SHISA7: variants seen among roughly 807,000 people sequenced by gnomAD.
SHISA7 encodes shisa family member 7.
SHISA7 carries 6 observed loss-of-function variants against 23.9 expected under a neutral mutation model. The ratio of observed to expected loss-of-function variants is 0.25; its 90% CI spans 0.14 to 0.50. SHISA7 has a LOEUF of 0.50. Among genes scored for constraint, SHISA7 ranks in the 20% least tolerant of loss-of-function variants. SHISA7 has a pLI of 0.98. For missense variants in SHISA7, 671 were observed against 801.1 expected, an observed-to-expected ratio of 0.84 and a Z score of 1.96; for synonymous variants, 386 against 398.3, an observed-to-expected ratio of 0.97 and a Z score of 0.37.
intron 2 of SHISA7, among the ~76,000 whole-genome samples, chr19:55,438,880 C>T (rs1409630788): frequency 1.3e-5 from 2 of 151,962 alleles, no homozygotes; most frequent in African/African-American, 4.8e-5. Flanking sequence ...ACCCCCCCCC[C>T]TGGTGCCCAG....
In SHISA7 at chr19:55,429,526, C is replaced by T. The variant is rs35179611; in HGVS notation, c.*3630G>A. 0.025 allele frequency: 3,869 copies of T among 152,222 alleles called. 78 individuals carry two copies. The highest frequency in any genetic ancestry group is 0.039 in the Non-Finnish European group (2,626 of 68,062). The allele number at this position is 152,222 out of a possible 1,614,324, so 9.4% of individuals were successfully genotyped here. On this transcript the variant is annotated 3_prime_UTR_variant, in exon 4 of 4. Transcript: ENST00000376325. ...CCTCAGTGTGGTGGGAACCAAGGGC[C>T]AGTTGTCTGCCCCAAGCTCCTGACA...
chr19:55,437,490 C>G, intron 3 of SHISA7, 115 bp downstream of exon 3: 1 of 1,314,004 alleles, frequency 7.6e-7, no homozygotes, highest in Non-Finnish European at 1.0e-6. Flanking sequence ...GGAGTAAAAC[C>G]TGGGAGAGAA....
At position 55,442,462 on chromosome 19, in the gene SHISA7, C is replaced by T. The variant is rs1207115618; in HGVS notation, c.402G>A (p.Pro134=). Residue 134 remains proline, a synonymous_variant, in exon 1 of 4, where the codon CCG becomes CCA. Transcript: ENST00000376325. The part of the protein sequence containing the change: ...AQASCSNYDT[P]RWATTPPPLA... ...GCGGCGGCGGCGTGGTGGCCCAGCG[C>T]GGCGTGTCGTAGTTGGAGCAGGAGG... 6.9e-7 allele frequency: 1 copy of T among 1,443,114 alleles called. No individual in the cohort carries two copies. The highest frequency in any genetic ancestry group is 9.1e-7 in the Non-Finnish European group (1 of 1,096,902). The allele number at this position is 1,443,114 out of a possible 1,614,324, so 89.4% of individuals were successfully genotyped here. A position where few individuals can be genotyped will look rare whatever the true frequency, so the allele number is the denominator to read the frequency against.
In SHISA7 at chr19:55,433,282, G is replaced by A. The variant is rs1568449750; in HGVS notation, c.1491C>T (p.Gly497=). Residue 497 remains glycine, a synonymous_variant, in exon 4 of 4, where the codon GGC becomes GGT. Coordinates refer to ENST00000376325, the MANE Select transcript of SHISA7 (RefSeq NM_001145176.2). This position sits in a 1 kb window ranked among gnomAD's most constrained non-coding sequence, Gnocchi z 8.4. ...QPAWMSDAGG[G]GGTLARRPPF... is the part of the protein sequence containing the mutation. ...GCGGCCTGCGGGCCAGTGTGCCCCC[G>A]CCCCCGCCGGCGTCGGACATCCAGG... 2.0e-6 allele frequency: 3 copies of A among 1,506,038 alleles called. No individual in the cohort carries two copies. The highest frequency in any genetic ancestry group is 2.1e-5 in the Admixed American group (1 of 48,288). 93.3% of individuals were successfully genotyped at this position (1,506,038 alleles called of 1,614,324 possible).
At position 55,433,816 on chromosome 19, in the gene SHISA7, A is replaced by T; in HGVS notation, c.977-20T>A. On this transcript the variant is annotated intron_variant, in intron 3 of 3. Transcript: ENST00000376325. The surrounding 1 kb of genome is among the most constrained non-coding windows in gnomAD (Gnocchi z 8.4). ...TCTCGGCTGCGGGGAGAGGGGGAAA[A>T]GCCACAGCCGTGGGTCCCCTGCGCA... 7.3e-7 allele frequency: 1 copy of T among 1,377,874 alleles called. No homozygotes were observed. Among genetic ancestry groups the T allele is most frequent in the South Asian group, 1.6e-5 (1 of 61,132 alleles). 85.4% of individuals were successfully genotyped at this position (1,377,874 alleles called of 1,614,324 possible).
chr19:55,440,537 A>C, intron 2 of SHISA7, 74 bp downstream of exon 2: 1 of 1,226,752 alleles, frequency 8.2e-7, no homozygotes, highest in Non-Finnish European at 1.0e-6. Context: ...TGGAGCCGCC[A>C]TGGAGGGCGG....
At chr19:55,435,740 G>A (rs1338371359) in intron 3 of SHISA7, among the ~76,000 whole-genome samples, 1 of 151,220 alleles carries the variant, frequency 6.6e-6, no homozygotes, top group South Asian at 2.1e-4. Context: ...CTCCAGCCTG[G>A]GCAAAAGAGT....
intron 2 of SHISA7, 147 bp downstream of exon 2, chr19:55,440,464 A>T: frequency 1.3e-6 from 1 of 740,838 alleles, no homozygotes; most frequent in Non-Finnish European, 1.9e-6. Context: ...CGCCTTTCGC[A>T]GGGCAGGACC....
At chr19:55,438,867 A>G (rs1985528981) in intron 2 of SHISA7, among the ~76,000 whole-genome samples, 1 of 63,046 alleles carries the variant, frequency 1.6e-5, no homozygotes, top group African/African-American at 7.5e-5. Context: ...CCAAGTTCTT[A>G]GCACCCCCCC....
chr19:55,434,887 ATG>A (rs1406553016), intron 3 of SHISA7, among the ~76,000 whole-genome samples: 3 of 51,018 alleles, frequency 5.9e-5, no homozygotes, highest in African/African-American at 2.4e-4. Context: ...GTGTGTGTAT[ATG>A]TGGTGTGTGT....
In SHISA7 at chr19:55,442,790, G is replaced by T; in HGVS notation, c.74C>A (p.Thr25Lys). 7.8e-7 allele frequency: 1 copy of T among 1,281,194 alleles called. No homozygotes were observed. Among genetic ancestry groups the T allele is most frequent in the Non-Finnish European group, 9.9e-7 (1 of 1,014,758 alleles). The allele number at this position is 1,281,194 out of a possible 1,614,324, so 79.4% of individuals were successfully genotyped here. A position where few individuals can be genotyped will look rare whatever the true frequency, so the allele number is the denominator to read the frequency against. ...GQARARPSNA[T>K]SAEPAGPLPA... ...CAGCGGGCCCGCGGGCTCGGCGCTC[G>T]TGGCGTTGGACGGGCGCGCCCTGGC... Residue 25 changes from threonine (T) to lysine (K), a missense_variant, in exon 1 of 4, where the codon ACG becomes AAG. Physicochemically the swap from Thr to Lys is moderately conservative, Grantham distance 78 (BLOSUM62 -1). Transcript: ENST00000376325.
At chr19:55,434,764 GGT>G (rs1221714445) in intron 3 of SHISA7, among the ~76,000 whole-genome samples, 8 of 111,524 alleles carry the variant, frequency 7.2e-5, no homozygotes, top group African/African-American at 1.4e-4. Flanking sequence ...TGGTGTGTGT[GGT>G]GTGTGGTGTG....
chr19:55,435,049 GTGGT>G (rs1463297692), intron 3 of SHISA7, among the ~76,000 whole-genome samples: 15 of 74,550 alleles, frequency 2.0e-4, no homozygotes, highest in South Asian at 1.1e-3. Context: ...TGGTGTGTGT[GTGGT>G]GTGTGTGTAG....
At position 55,431,489 on chromosome 19, in the gene SHISA7, A is replaced by T. The variant is rs528143748; in HGVS notation, c.*1667T>A. 6.6e-6 allele frequency: 1 copy of T among 152,054 alleles called. No homozygotes were observed. The highest frequency in any genetic ancestry group is 1.5e-5 in the Non-Finnish European group (1 of 67,998). 9.4% of individuals were successfully genotyped at this position (152,054 alleles called of 1,614,324 possible). On this transcript the variant is annotated 3_prime_UTR_variant, in exon 4 of 4. Transcript: ENST00000376325. Reference sequence around the variant, plus strand: ...GATGGTGACACCATTGGCTATGGGGAGTCTTGGCAGATGGTGACACCATTA... The same window carrying T: ...GATGGTGACACCATTGGCTATGGGGTGTCTTGGCAGATGGTGACACCATTA...
chr19:55,437,713 A>G lies in SHISA7; in HGVS notation c.868T>C (p.Ser290Pro). ...LPPPSPSLHY[S>P]TLSCSRSFHN... ...AAGGACCGAGAGCAGGACAGCGTGG[A>G]GTAGTGCAAGGAGGGGCTGGGCGGC... The change falls in exon 3 of 4, where the codon TCC (serine) becomes CCC (proline). Residue 290 changes from serine (S) to proline (P), a missense_variant. Physicochemically the swap from Ser to Pro is moderately conservative, Grantham distance 74. Coordinates refer to ENST00000376325, the MANE Select transcript of SHISA7 (RefSeq NM_001145176.2). 6.4e-7 allele frequency: 1 copy of G among 1,551,346 alleles called. No individual in the cohort carries two copies. Among genetic ancestry groups the G allele is most frequent in the Non-Finnish European group, 8.7e-7 (1 of 1,146,880 alleles).
chr19:55,431,022 G>A lies in SHISA7; in HGVS notation c.*2134C>T, dbSNP rs939142822. The A allele has an allele frequency of 2.0e-5, 3 of 151,266 alleles. No homozygotes were observed. Among genetic ancestry groups the A allele is most frequent in the African/African-American group, 4.9e-5 (2 of 41,070 alleles). The allele number at this position is 151,266 out of a possible 1,614,324, so 9.4% of individuals were successfully genotyped here. Reference sequence around the variant, plus strand: ...CAGCACTGGACCTCATGGATCACAGGAGATGATGACACCAGGGTTATGGTG... The same window carrying A: ...CAGCACTGGACCTCATGGATCACAGAAGATGATGACACCAGGGTTATGGTG... On this transcript the variant is annotated 3_prime_UTR_variant, in exon 4 of 4. Coordinates refer to ENST00000376325, the MANE Select transcript of SHISA7 (RefSeq NM_001145176.2).
Position 55,442,776 on chromosome 19 carries a change from C to A in SHISA7, c.88G>T (p.Ala30Ser). 1 of 1,225,470 alleles carries A rather than the reference C, an allele frequency of 8.2e-7. No homozygotes were observed. The allele number at this position is 1,225,470 out of a possible 1,614,324, so 75.9% of individuals were successfully genotyped here. The change falls in exon 1 of 4, where the codon GCG becomes TCG. Residue 30 changes from alanine (A) to serine (S), a missense_variant. By Grantham distance (99) the Ala-to-Ser change is moderately conservative. This residue lies in a region of SHISA7 where 96 missense variants were observed against 113.1 expected (regional missense o/e 0.85). Coordinates refer to ENST00000376325, the MANE Select transcript of SHISA7 (RefSeq NM_001145176.2). Reference sequence around the variant, plus strand: ...GCCAGCAGGGCGGGCAGCGGGCCCGCGGGCTCGGCGCTCGTGGCGTTGGAC... The same window carrying A: ...GCCAGCAGGGCGGGCAGCGGGCCCGAGGGCTCGGCGCTCGTGGCGTTGGAC... ...RPSNATSAEP[A>S]GPLPALLAHL...
At chr19:55,440,801 G>C in intron 1 of SHISA7, 36 bp from the exon 2 acceptor site, 1 of 1,236,340 alleles carries the variant, frequency 8.1e-7, no homozygotes, top group Non-Finnish European at 1.0e-6. Context: ...AGGCCTGGGG[G>C]CTGAGGGTGG....
Position 55,440,730 on chromosome 19 carries a change from G to A in SHISA7, c.707C>T (p.Pro236Leu). Reference protein sequence around the residue: ...LVDILRHQAGPGTRPDRARSS... With the variant: ...LVDILRHQAGLGTRPDRARSS... ...TCGGGCCCGGTCCGGGCGGGTCCCAGGCCCCGCCTGATGTCTCAGAATGTC... is the reference window on the plus strand; with the variant it reads ...TCGGGCCCGGTCCGGGCGGGTCCCAAGCCCCGCCTGATGTCTCAGAATGTC... The change falls in exon 2 of 4, where the codon CCT becomes CTT. Residue 236 changes from proline (P) to leucine (L), a missense_variant. Pro to Leu is a moderately conservative substitution (Grantham distance 98). Around this residue, in one of 5 missense-constraint regions of SHISA7, gnomAD observed 457 missense variants for 488.3 expected, o/e 0.94. Transcript: ENST00000376325. 8.0e-7 allele frequency: 1 copy of A among 1,247,020 alleles called. No individual in the cohort carries two copies. Among genetic ancestry groups the A allele is most frequent in the Non-Finnish European group, 1.0e-6 (1 of 988,272 alleles). 77.2% of individuals were successfully genotyped at this position (1,247,020 alleles called of 1,614,324 possible).
Sources: gnomAD v4.1 joint callset for allele counts (sites outside exome capture counted in the v4.1 genomes callset) on GRCh38, gnomAD v4.1.1 for gene constraint, gnomAD v4.1.1 regional missense constraint, Gnocchi (gnomAD v3.1) non-coding constraint, MANE v1.5 for transcripts, NCBI Gene and HGNC (gene_info 2026-07-23, HGNC 2026-07-21) for gene names.